The following EPHA3 variants were observed in gnomAD, a reference collection of about 807,000 sequenced individuals.
EPHA3 encodes the protein EPH receptor A3, also known as ephrin type-A receptor 3.
A neutral mutation model predicts 107.1 loss-of-function variants in EPHA3; 42 were observed. The observed-to-expected ratio is 0.39, with a 90% CI of 0.31 to 0.51. The LOEUF (loss-of-function observed/expected upper bound fraction) is 0.51. Ranked by LOEUF, EPHA3 falls within the 20% of genes least tolerant of loss-of-function variation. EPHA3 has a pLI of 0.78. For synonymous variants in EPHA3, 461 were observed against 424.8 expected, an observed-to-expected ratio of 1.09 and a Z score of -1.05; for missense variants, 1,183 against 1,211.2, an observed-to-expected ratio of 0.98 and a Z score of 0.35.
chr3:89,255,215 G>A (rs982527809), intron 3 of EPHA3, among the ~76,000 whole-genome samples: 1 of 152,100 alleles, frequency 6.6e-6, no homozygotes, highest in Non-Finnish European at 1.5e-5. Context: ...GGAAGTCTAT[G>A]GTAGCATTTT....
At chr3:89,406,313 G>A (rs1200498941) in intron 7 of EPHA3, among the ~76,000 whole-genome samples, 2 of 152,148 alleles carry the variant, frequency 1.3e-5, no homozygotes, top group African/African-American at 2.4e-5. Flanking sequence ...ACTCCGGAAT[G>A]ACTGAATCTG....
At chr3:89,116,249 A>G (rs1707250222) in intron 1 of EPHA3, among the ~76,000 whole-genome samples, 1 of 152,196 alleles carries the variant, frequency 6.6e-6, no homozygotes, top group Non-Finnish European at 1.5e-5. Flanking sequence ...ATAGTGAGGA[A>G]ATTGTACAAT....
intron 3 of EPHA3, among the ~76,000 whole-genome samples, chr3:89,226,505 TA>T (rs538376800): frequency 1.1e-4 from 17 of 152,240 alleles, no homozygotes; most frequent in Non-Finnish European, 2.4e-4. Flanking sequence ...ATAAACAAAA[TA>T]AAATTTCACT....
At chr3:89,174,571 A>G (rs561696056) in intron 2 of EPHA3, among the ~76,000 whole-genome samples, 16 of 149,142 alleles carry the variant, frequency 1.1e-4, no homozygotes, top group Middle Eastern at 3.7e-3. Context: ...TATTTACCCT[A>G]TATTCTAGCA....
At chr3:89,391,404 T>TTTCTG (rs1256319888) in intron 5 of EPHA3, among the ~76,000 whole-genome samples, 1,639 of 142,596 alleles carry the variant, frequency 0.011, 39 homozygotes, top group African/African-American at 0.044. Context: ...TTTCTTTTCT[T>TTTCTG]TTCTTTTCTT....
chr3:89,262,684 A>G (rs747148591), intron 3 of EPHA3, among the ~76,000 whole-genome samples: 1 of 152,210 alleles, frequency 6.6e-6, no homozygotes, highest in Non-Finnish European at 1.5e-5. Context: ...CACCTCTCTC[A>G]ACTCCTAACA....
At chr3:89,432,675 C>T (rs1709591862) in intron 13 of EPHA3, among the ~76,000 whole-genome samples, 1 of 152,058 alleles carries the variant, frequency 6.6e-6, no homozygotes, top group Non-Finnish European at 1.5e-5. Flanking sequence ...TAATACTACA[C>T]AAACATAATT....
chr3:89,258,161 G>C (rs1465058105), intron 3 of EPHA3, among the ~76,000 whole-genome samples: 1 of 152,082 alleles, frequency 6.6e-6, no homozygotes, highest in African/African-American at 2.4e-5. Flanking sequence ...GAAATAATCA[G>C]ACAAATCCAT....
chr3:89,382,279 G>A (rs1708525493), intron 5 of EPHA3, among the ~76,000 whole-genome samples: 1 of 152,050 alleles, frequency 6.6e-6, no homozygotes, highest in Admixed American at 6.6e-5. Flanking sequence ...AGGCAAAGCT[G>A]GGTGGATTAC....
intron 2 of EPHA3, among the ~76,000 whole-genome samples, chr3:89,205,673 T>A (rs1309843099): frequency 1.3e-5 from 2 of 152,200 alleles, no homozygotes; most frequent in Non-Finnish European, 2.9e-5. Flanking sequence ...GCTCCTCTTT[T>A]GTTTGTATCC....
chr3:89,187,619 G>C (rs1487597558), intron 2 of EPHA3, among the ~76,000 whole-genome samples: 1 of 151,896 alleles, frequency 6.6e-6, no homozygotes, highest in Admixed American at 6.6e-5. Context: ...TTCTAAAAAT[G>C]TCCCTCTGTT....
intron 3 of EPHA3, among the ~76,000 whole-genome samples, chr3:89,213,577 T>A (rs1285625875): frequency 6.6e-6 from 1 of 152,022 alleles, no homozygotes; most frequent in Non-Finnish European, 1.5e-5. Context: ...AACGAATAGA[T>A]GATGAAGTAA....
chr3:89,473,955 T>C, intron 16 of EPHA3, among the ~76,000 whole-genome samples: 1 of 152,164 alleles, frequency 6.6e-6, no homozygotes, highest in South Asian at 2.1e-4. Context: ...TTGATCTTTG[T>C]TAAATTAAAT....
intron 13 of EPHA3, among the ~76,000 whole-genome samples, chr3:89,444,881 G>A (rs181312883): frequency 5.3e-5 from 8 of 152,072 alleles, no homozygotes; most frequent in Admixed American, 2.0e-4. Flanking sequence ...AAACTAATCC[G>A]TCTAATAAGC....
At chr3:89,271,150 G>A (rs974765851) in intron 3 of EPHA3, among the ~76,000 whole-genome samples, 17 of 151,994 alleles carry the variant, frequency 1.1e-4, no homozygotes, top group Non-Finnish European at 1.8e-4. Flanking sequence ...CAAAACATCT[G>A]TGTATTCTTA....
intron 3 of EPHA3, among the ~76,000 whole-genome samples, chr3:89,293,333 G>A (rs1313830440): frequency 3.9e-5 from 6 of 151,952 alleles, no homozygotes; most frequent in Admixed American, 3.9e-4. Context: ...AGAATCTTTT[G>A]AAAAGCAGAA....
chr3:89,116,283 G>C (rs1479731468), intron 1 of EPHA3, among the ~76,000 whole-genome samples: 1 of 151,984 alleles, frequency 6.6e-6, no homozygotes, highest in Non-Finnish European at 1.5e-5. Flanking sequence ...GATTATTTAG[G>C]GTTATGTGTA....
At chr3:89,436,027 A>G (rs891552307) in intron 13 of EPHA3, among the ~76,000 whole-genome samples, 2 of 151,834 alleles carry the variant, frequency 1.3e-5, no homozygotes, top group Non-Finnish European at 2.9e-5. Flanking sequence ...TGTGGTCCCA[A>G]CTACTCAGGA....
intron 9 of EPHA3, 130 bp downstream of exon 9, chr3:89,408,261 T>G: frequency 1.3e-6 from 1 of 791,534 alleles, no homozygotes. Flanking sequence ...CTGAGTACAT[T>G]AAATTTATTT....
Sources: gnomAD v4.1 joint callset for allele counts (sites outside exome capture counted in the v4.1 genomes callset) on GRCh38, gnomAD v4.1.1 for gene constraint, MANE v1.5 for transcripts, NCBI Gene and HGNC (gene_info 2026-07-23, HGNC 2026-07-21) for gene names.